Variants in HSP90B1 observed in about 807,000 individuals in gnomAD.
The protein encoded by HSP90B1 is endoplasmin.
HSP90B1 carries 27 observed loss-of-function variants against 100.4 expected under a neutral mutation model. That is an observed-to-expected ratio of 0.27 (90% CI 0.20 to 0.37). The LOEUF is 0.37. Ranked by LOEUF, HSP90B1 falls within the 10% of genes least tolerant of loss-of-function variation. HSP90B1 has a pLI of 1.00. For missense variants in HSP90B1, 678 were observed against 960.5 expected, an observed-to-expected ratio of 0.71 and a Z score of 3.89; for synonymous variants, 304 against 330.8, an observed-to-expected ratio of 0.92 and a Z score of 0.88.
At position 103,930,416 on chromosome 12, in the gene HSP90B1, C is replaced by T. The variant is rs760600159; in HGVS notation, c.-100C>T. ...CCCGACCTGCTTGCGGTGTAGTGGG[C>T]GGACCGCGCGGCTGGAGGTGTGAGG... On this transcript the variant is annotated 5_prime_UTR_variant, in exon 1 of 18. Transcript: ENST00000299767. This position sits in a 1 kb window ranked among gnomAD's most constrained non-coding sequence, Gnocchi z 4.4. 43 of 1,099,612 alleles carry T rather than the reference C, an allele frequency of 3.9e-5. 1 individual carries two copies. Among genetic ancestry groups the T allele is most frequent in the Admixed American group, 5.7e-5 (2 of 35,380 alleles). The allele number at this position is 1,099,612 out of a possible 1,614,324, so 68.1% of individuals were successfully genotyped here.
At chr12:103,934,921 G>A (rs1164565838) in intron 5 of HSP90B1, among the ~76,000 whole-genome samples, 2 of 152,078 alleles carry the variant, frequency 1.3e-5, no homozygotes, top group Non-Finnish European at 2.9e-5. Context: ...GGCTGGTCTC[G>A]AACTCCCGAC....
chr12:103,941,708 T>C lies in HSP90B1; in HGVS notation c.1308+2T>C. 6.2e-7 allele frequency: 1 copy of C among 1,613,732 alleles called. No homozygotes were observed. ...TACCTCAATTTTGTCAAGGGTGTGG[T>C]AAGTATCTGAAGTTTGGGAGAAGGG... is the stretch of plus-strand genomic sequence containing the variant. On this transcript the variant is annotated splice_donor_variant, in intron 10 of 17. Transcript: ENST00000299767. LOFTEE classifies it high-confidence loss of function.
intron 5 of HSP90B1, 132 bp downstream of exon 5, chr12:103,934,419 G>C: frequency 1.3e-6 from 1 of 747,572 alleles, no homozygotes; most frequent in Non-Finnish European, 2.2e-6. Flanking sequence ...AAACAGAACT[G>C]TTGTCACTTG....
intron 5 of HSP90B1, among the ~76,000 whole-genome samples, chr12:103,937,492 T>C (rs1388120168): frequency 6.6e-6 from 1 of 152,258 alleles, no homozygotes. Context: ...CTTGAGGTAA[T>C]GTAGAGGAGA....
intron 14 of HSP90B1, among the ~76,000 whole-genome samples, 171 bp from the exon 15 acceptor site, chr12:103,946,447 G>A (rs925060526): frequency 7.1e-6 from 1 of 140,732 alleles, no homozygotes; most frequent in Non-Finnish European, 1.5e-5. Context: ...TGTATTTATT[G>A]GAAAAAAAAT....
chr12:103,941,715 C>G lies in HSP90B1; in HGVS notation c.1308+9C>G, dbSNP rs763913481. 1 of 1,613,206 alleles carries G rather than the reference C, an allele frequency of 6.2e-7. No individual in the cohort carries two copies. Among genetic ancestry groups the G allele is most frequent in the Non-Finnish European group, 8.5e-7 (1 of 1,179,276 alleles). On this transcript the variant is annotated intron_variant, in intron 10 of 17. Coordinates refer to ENST00000299767, the MANE Select transcript of HSP90B1 (RefSeq NM_003299.3). Reference sequence around the variant, plus strand: ...ATTTTGTCAAGGGTGTGGTAAGTATCTGAAGTTTGGGAGAAGGGGTGATTG... The same window carrying G: ...ATTTTGTCAAGGGTGTGGTAAGTATGTGAAGTTTGGGAGAAGGGGTGATTG...
chr12:103,946,771 C>A lies in HSP90B1; in HGVS notation c.2107-15C>A. On this transcript the variant is annotated splice_polypyrimidine_tract_variant and intron_variant, in intron 15 of 17. Coordinates refer to ENST00000299767, the MANE Select transcript of HSP90B1 (RefSeq NM_003299.3). ...ATCTTTTAATATTAATCTAGTGCAT[C>A]TTCTTGCATTTCAGGAAGATGAAGA... The A allele has an allele frequency of 1.2e-6, 2 of 1,613,742 alleles. No individual in the cohort carries two copies. Among genetic ancestry groups the A allele is most frequent in the Non-Finnish European group, 1.7e-6 (2 of 1,179,860 alleles).
In HSP90B1 at chr12:103,932,846, T is replaced by C. The variant is rs1362809151; in HGVS notation, c.315T>C (p.Ile105=). 1 of 1,591,154 alleles carries C rather than the reference T, an allele frequency of 6.3e-7. No individual in the cohort carries two copies. Residue 105 remains isoleucine (I), a synonymous_variant, in exon 4 of 18, where the codon ATT becomes ATC. Coordinates refer to ENST00000299767, the MANE Select transcript of HSP90B1 (RefSeq NM_003299.3). ...TTTAGATTTTCCTGAGAGAACTGAT[T>C]TCAAATGCTTCTGATGCTTTAGATA... ...KNKEIFLREL[I]SNASDALDKI...
Position 103,943,393 on chromosome 12 carries a change from A to C in HSP90B1, c.1890+74A>C, listed in dbSNP as rs1199259875. On this transcript the variant is annotated intron_variant, in intron 13 of 17. Transcript: ENST00000299767. This position sits in a 1 kb window ranked among gnomAD's most constrained non-coding sequence, Gnocchi z 5.3. ...AGAAAGTTATTTTGTGAACAAATTA[A>C]GCTGCAGCTGGTTACTTTGTAACCA... 1 of 1,390,566 alleles carries C rather than the reference A, an allele frequency of 7.2e-7. No individual in the cohort carries two copies. Among genetic ancestry groups the C allele is most frequent in the African/African-American group, 1.4e-5 (1 of 69,748 alleles). 86.1% of individuals were successfully genotyped at this position (1,390,566 alleles called of 1,614,324 possible). A position where few individuals can be genotyped will look rare whatever the true frequency, so the allele number is the denominator to read the frequency against.
At position 103,943,976 on chromosome 12, in the gene HSP90B1, A is replaced by G. The variant is rs895421686; in HGVS notation, c.2027+102A>G. 1.8e-6 allele frequency: 2 copies of G among 1,098,838 alleles called. No individual in the cohort carries two copies. Among genetic ancestry groups the G allele is most frequent in the Non-Finnish European group, 2.6e-6 (2 of 782,628 alleles). 68.1% of individuals were successfully genotyped at this position (1,098,838 alleles called of 1,614,324 possible). Reference sequence around the variant, plus strand: ...AATACAAAGAGTAAAATTGCCTTAAATGTCTACCACTGTCTACTATAAGGT... The same window carrying G: ...AATACAAAGAGTAAAATTGCCTTAAGTGTCTACCACTGTCTACTATAAGGT... On this transcript the variant is annotated intron_variant, in intron 14 of 17. Coordinates refer to ENST00000299767, the MANE Select transcript of HSP90B1 (RefSeq NM_003299.3). The surrounding 1 kb of genome is among the most constrained non-coding windows in gnomAD (Gnocchi z 5.3).
At chr12:103,938,256 A>G in intron 6 of HSP90B1, 84 bp from the exon 7 acceptor site, 1 of 1,237,018 alleles carries the variant, frequency 8.1e-7, no homozygotes, top group Non-Finnish European at 1.1e-6. Context: ...CTATTTTTTG[A>G]CCTGTAATGT....
chr12:103,935,067 ACT>A (rs1869872265), intron 5 of HSP90B1, among the ~76,000 whole-genome samples: 1 of 151,818 alleles, frequency 6.6e-6, no homozygotes, highest in Non-Finnish European at 1.5e-5. Flanking sequence ...ACAAGGGGAG[ACT>A]CTTTGGGGGA....
chr12:103,936,110 T>C (rs1869906804), intron 5 of HSP90B1, among the ~76,000 whole-genome samples: 5 of 152,228 alleles, frequency 3.3e-5, no homozygotes, highest in East Asian at 1.9e-4. Context: ...GTGATCTTTA[T>C]GTAGTCTTAT....
chr12:103,933,766 T>C (rs1358411756), intron 4 of HSP90B1, among the ~76,000 whole-genome samples, 190 bp from the exon 5 acceptor site: 1 of 152,232 alleles, frequency 6.6e-6, no homozygotes, highest in Non-Finnish European at 1.5e-5. Flanking sequence ...ATTAATACTT[T>C]CTCAAATACA....
chr12:103,937,577 A>T, intron 5 of HSP90B1, 118 bp from the exon 6 acceptor site: 1 of 647,800 alleles, frequency 1.5e-6, no homozygotes, highest in Non-Finnish European at 2.8e-6. Context: ...AGTTAACATG[A>T]ATAATTAGGA....
intron 7 of HSP90B1, among the ~76,000 whole-genome samples, chr12:103,939,246 C>CACGCCACCAACAGACAG (rs774296935): frequency 0.082 from 12,463 of 151,840 alleles, 692 homozygotes; most frequent in East Asian, 0.3. Context: ...ACCACAGACA[C>CACGCCACCAACAGACAG]ACGCCACCAT....
Position 103,942,587 on chromosome 12 carries a change from A to G in HSP90B1, c.1435A>G (p.Lys479Glu), listed in dbSNP as rs1468251983. ...LDMIKKIADD[K>E]YNDTFWKEFG... is the part of the protein sequence containing the mutation. ...CATGATCAAGAAGATTGCTGATGAT[A>G]AATACAATGATACTTTTTGGAAAGA... The change falls in exon 12 of 18, where the codon AAA (lysine) becomes GAA (glutamate). Residue 479 changes from lysine (K) to glutamate (E), a missense_variant. Around this residue, in one of 8 missense-constraint regions of HSP90B1, gnomAD observed 170 missense variants for 236.7 expected, o/e 0.72. Coordinates refer to ENST00000299767, the MANE Select transcript of HSP90B1 (RefSeq NM_003299.3). 1 of 1,613,986 alleles carries G rather than the reference A, an allele frequency of 6.2e-7. No homozygotes were observed. The highest frequency in any genetic ancestry group is 1.7e-5 in the Admixed American group (1 of 60,034).
chr12:103,942,077 A>G (rs893088948), intron 11 of HSP90B1, among the ~76,000 whole-genome samples, 180 bp downstream of exon 11: 1 of 152,164 alleles, frequency 6.6e-6, no homozygotes, highest in Non-Finnish European at 1.5e-5. Flanking sequence ...AACATTTAAT[A>G]ATGAAGTTTC....
chr12:103,938,448 A>C lies in HSP90B1; in HGVS notation c.964A>C (p.Lys322Gln), dbSNP rs941504253. 41 of 1,608,886 alleles carry C rather than the reference A, an allele frequency of 2.5e-5. No individual in the cohort carries two copies. Among genetic ancestry groups the C allele is most frequent in the Non-Finnish European group, 3.5e-5 (41 of 1,177,378 alleles). ...GGAAGAAGAAGAAGAAAAGAAACCA[A>C]AGACTAAAAAAGTAAGTCTGGTTTA... Reference protein sequence around the residue: ...VEEEEEEKKPKTKKVEKTVWD... With the variant: ...VEEEEEEKKPQTKKVEKTVWD... Residue 322 changes from lysine (K) to glutamine (Q), a missense_variant, in exon 7 of 18, where the codon AAG (lysine) becomes CAG (glutamine). Physicochemically the swap from Lys to Gln is moderately conservative, Grantham distance 53. Coordinates refer to ENST00000299767, the MANE Select transcript of HSP90B1 (RefSeq NM_003299.3).
Sources: gnomAD v4.1 joint callset for allele counts (sites outside exome capture counted in the v4.1 genomes callset) on GRCh38, gnomAD v4.1.1 for gene constraint, gnomAD v4.1.1 regional missense constraint, Gnocchi (gnomAD v3.1) non-coding constraint, MANE v1.5 for transcripts, NCBI Gene and HGNC (gene_info 2026-07-23, HGNC 2026-07-21) for gene names.